The following MPHOSPH10 variants were observed in gnomAD, a reference collection of about 807,000 sequenced individuals.
The protein encoded by MPHOSPH10 is M-phase phosphoprotein 10, also known as U3 small nucleolar ribonucleoprotein MPP10.
Under a neutral mutation model 77.3 loss-of-function variants are expected in MPHOSPH10, and 33 were observed. The observed-to-expected ratio is 0.43, with a 90% CI of 0.32 to 0.57. MPHOSPH10 has a LOEUF of 0.57. Among genes scored for constraint, MPHOSPH10 ranks in the 20% least tolerant of loss-of-function variants. The probability of loss-of-function intolerance (pLI) is 0.07; values close to 1 mark genes in which losing one functional copy is unlikely to be tolerated. For missense variants in MPHOSPH10, 708 were observed against 780.1 expected (o/e 0.91, Z 1.10); for synonymous variants, 245 against 268.0 (o/e 0.91, Z 0.84).
intron 8 of MPHOSPH10, 91 bp from the exon 9 acceptor site, chr2:71,147,908 T>C (rs1383621429): frequency 2.1e-6 from 2 of 938,208 alleles, no homozygotes; most frequent in Non-Finnish European, 3.4e-6. Context: ...GTATTTTATA[T>C]ATTATACTTT....
intron 8 of MPHOSPH10, 129 bp downstream of exon 8, chr2:71,144,667 G>T: frequency 1.5e-6 from 1 of 686,494 alleles, no homozygotes; most frequent in Non-Finnish European, 2.4e-6. Context: ...TCCAGGCAGG[G>T]TCTCCATGAG....
chr2:71,143,312 T>G (rs182337675), intron 7 of MPHOSPH10, among the ~76,000 whole-genome samples: 1 of 152,140 alleles, frequency 6.6e-6, no homozygotes, highest in Non-Finnish European at 1.5e-5. Context: ...TTTTGTATTT[T>G]AGTAGAGACA....
At chr2:71,134,223 C>A in intron 3 of MPHOSPH10, 118 bp downstream of exon 3, 1 of 996,094 alleles carries the variant, frequency 1.0e-6, no homozygotes, top group Non-Finnish European at 1.4e-6. Context: ...ATCAGATATT[C>A]TCAAGATAGC....
rs1367095870 is a variant in MPHOSPH10 at position 71,130,652 on chromosome 2, A to G, written c.-14A>G. Reference sequence around the variant, plus strand: ...CCCTTGCATGCTGCATTGTGTCGGGAGTTGCTGACAGCCATGGCGCCGCAG... The same window carrying G: ...CCCTTGCATGCTGCATTGTGTCGGGGGTTGCTGACAGCCATGGCGCCGCAG... On this transcript the variant is annotated 5_prime_UTR_variant, in exon 1 of 11. Transcript: ENST00000244230. 6.2e-7 allele frequency: 1 copy of G among 1,603,678 alleles called. No individual in the cohort carries two copies.
At chr2:71,131,132 A>ACCCC (rs771276232) in intron 1 of MPHOSPH10, among the ~76,000 whole-genome samples, 27 of 151,918 alleles carry the variant, frequency 1.8e-4, no homozygotes, top group Non-Finnish European at 3.5e-4. Flanking sequence ...TTGTCTGTCC[A>ACCCC]CCCCCCATGA....
At chr2:71,132,329 T>TA (rs1323803065) in intron 1 of MPHOSPH10, among the ~76,000 whole-genome samples, 1 of 152,204 alleles carries the variant, frequency 6.6e-6, no homozygotes, top group Non-Finnish European at 1.5e-5. Flanking sequence ...GAACCATGCA[T>TA]AATTTGGCTC....
At chr2:71,136,877 G>T (rs10186662) in intron 4 of MPHOSPH10, among the ~76,000 whole-genome samples, 36,600 of 123,520 alleles carry the variant, frequency 0.3, 5,851 homozygotes, top group Admixed American at 0.39. Flanking sequence ...AAACTGTTAG[G>T]TCATGAAAAC....
intron 4 of MPHOSPH10, 57 bp downstream of exon 4, chr2:71,134,854 C>A: frequency 7.6e-7 from 1 of 1,319,860 alleles, no homozygotes; most frequent in Non-Finnish European, 1.1e-6. Flanking sequence ...CCTTTGAAAA[C>A]TATTAACCAT....
At chr2:71,138,740 C>G (rs760105424) in intron 5 of MPHOSPH10, 109 bp downstream of exon 5, 1 of 1,444,452 alleles carries the variant, frequency 6.9e-7, no homozygotes, top group South Asian at 1.2e-5. Context: ...ATTTTAAAAA[C>G]TTGTAAACAC....
rs1434282563 is a variant in MPHOSPH10 at position 71,138,478 on chromosome 2, T to G, written c.1099-12T>G. The G allele has an allele frequency of 6.5e-7, 1 of 1,540,880 alleles. No homozygotes were observed. Among genetic ancestry groups the G allele is most frequent in the Non-Finnish European group, 8.8e-7 (1 of 1,140,784 alleles). ...TTCTAAATGTATACTAGTTATTTTA[T>G]CTCTTTCTTAGATGAATGAAAAAAT... On this transcript the variant is annotated splice_polypyrimidine_tract_variant and intron_variant, in intron 4 of 10. Coordinates refer to ENST00000244230, the MANE Select transcript of MPHOSPH10 (RefSeq NM_005791.3).
In MPHOSPH10 at chr2:71,134,078, A is replaced by C. The variant is rs1558752665; in HGVS notation, c.899A>C (p.Glu300Ala). 3.7e-6 allele frequency: 6 copies of C among 1,608,352 alleles called. No homozygotes were observed. The highest frequency in any genetic ancestry group is 4.5e-5 in the East Asian group (2 of 44,650). The change falls in exon 3 of 11, where the codon GAA becomes GCA. Residue 300 changes from glutamate (E) to alanine (A), a missense_variant. Around this residue, in one of 3 missense-constraint regions of MPHOSPH10, gnomAD observed 433 missense variants for 432.6 expected, o/e 1.00. Transcript: ENST00000244230. ...GAAGATGATGAAATTGCTGAAGAAGAAGCAGAAGAACTAAGTATTTCGGAA... is the reference window on the plus strand; with the variant it reads ...GAAGATGATGAAATTGCTGAAGAAGCAGCAGAAGAACTAAGTATTTCGGAA... ...NKEDDEIAEE[E>A]AEELSISETD... is the part of the protein sequence containing the mutation.
intron 1 of MPHOSPH10, among the ~76,000 whole-genome samples, chr2:71,131,816 G>T (rs1673390616): frequency 6.6e-6 from 1 of 152,208 alleles, no homozygotes; most frequent in Non-Finnish European, 1.5e-5. Context: ...GAGGAATGTT[G>T]TAATGTTGAT....
intron 4 of MPHOSPH10, 45 bp downstream of exon 4, chr2:71,134,842 A>G (rs1206120523): frequency 2.9e-6 from 4 of 1,398,982 alleles, no homozygotes; most frequent in Admixed American, 4.1e-5. Context: ...GATATTAACC[A>G]TCCTTTGAAA....
At chr2:71,141,484 A>G (rs1029984120) in intron 7 of MPHOSPH10, 115 bp downstream of exon 7, 64 of 830,866 alleles carry the variant, frequency 7.7e-5, no homozygotes, top group Non-Finnish European at 1.0e-4. Context: ...TGGCTACCTC[A>G]TGTAAGTATG....
intron 8 of MPHOSPH10, 94 bp from the exon 9 acceptor site, chr2:71,147,905 A>C: frequency 3.3e-6 from 3 of 904,408 alleles, no homozygotes; most frequent in Non-Finnish European, 5.2e-6. Flanking sequence ...AAAGTATTTT[A>C]TATATTATAC....
At chr2:71,142,001 C>T (rs756812143) in intron 7 of MPHOSPH10, among the ~76,000 whole-genome samples, 23 of 151,942 alleles carry the variant, frequency 1.5e-4, no homozygotes, top group Non-Finnish European at 2.5e-4. Context: ...CACTGCTCTC[C>T]AGCCTGGGCG....
At chr2:71,138,658 A>T (rs1001566341) in intron 5 of MPHOSPH10, 27 bp downstream of exon 5, 2 of 1,613,788 alleles carry the variant, frequency 1.2e-6, no homozygotes, top group Non-Finnish European at 1.7e-6. Flanking sequence ...TGTAGTTTTC[A>T]TGTCTGTGCT....
chr2:71,147,684 A>AG (rs1673741845), intron 8 of MPHOSPH10, among the ~76,000 whole-genome samples: 1 of 151,996 alleles, frequency 6.6e-6, no homozygotes, highest in Admixed American at 6.6e-5. Flanking sequence ...AAAGAAAAAA[A>AG]AAAAGAAAAA....
At chr2:71,149,801 A>C (rs1190630436) in intron 10 of MPHOSPH10, 65 bp from the exon 11 acceptor site, 8 of 1,352,734 alleles carry the variant, frequency 5.9e-6, no homozygotes, top group Non-Finnish European at 6.0e-6. Context: ...GTGATGTACT[A>C]TTTTTGGCTT....
Sources: gnomAD v4.1 joint callset for allele counts (sites outside exome capture counted in the v4.1 genomes callset) on GRCh38, gnomAD v4.1.1 for gene constraint, gnomAD v4.1.1 regional missense constraint, MANE v1.5 for transcripts, NCBI Gene and HGNC (gene_info 2026-07-23, HGNC 2026-07-21) for gene names.